Variants in CCDC30 observed in about 807,000 individuals in gnomAD.
The protein encoded by CCDC30 is coiled-coil domain containing 30.
Under a neutral mutation model 100.2 loss-of-function variants are expected in CCDC30, and 70 were observed. That is an observed-to-expected ratio of 0.70 (90% CI 0.58 to 0.85). The LOEUF (loss-of-function observed/expected upper bound fraction) is 0.85, where lower values mean the gene tolerates loss of function less well. Ranked by LOEUF, CCDC30 falls within the 40% of genes least tolerant of loss-of-function variation. The pLI is 0.00. For synonymous variants in CCDC30, 233 were observed against 269.5 expected (o/e 0.86, Z 1.33); for missense variants, 652 against 771.2 (o/e 0.85, Z 1.83).
chr1:42,635,311 G>A (rs997765832), intron 11 of CCDC30, among the ~76,000 whole-genome samples: 9 of 151,968 alleles, frequency 5.9e-5, no homozygotes, highest in Non-Finnish European at 1.2e-4. Flanking sequence ...CTCCCAAAGT[G>A]CTGGGATTAC....
intron 6 of CCDC30, among the ~76,000 whole-genome samples, chr1:42,557,893 C>G (rs1570051467): frequency 1.1e-5 from 1 of 87,434 alleles, no homozygotes; most frequent in South Asian, 6.3e-4. Flanking sequence ...TAAATGAAGA[C>G]TAAGAAAGGG....
At chr1:42,556,890 T>C (rs186338195) in intron 6 of CCDC30, among the ~76,000 whole-genome samples, 16 of 152,360 alleles carry the variant, frequency 1.1e-4, no homozygotes, top group Admixed American at 7.2e-4. Flanking sequence ...TTCTGGTATG[T>C]AGCTTACTAG....
At chr1:42,534,640 A>T (rs1354020663) in intron 6 of CCDC30, among the ~76,000 whole-genome samples, 1 of 152,204 alleles carries the variant, frequency 6.6e-6, no homozygotes, top group Admixed American at 6.5e-5. Flanking sequence ...AGTTTGATTA[A>T]TTCAGAACAA....
intron 11 of CCDC30, among the ~76,000 whole-genome samples, chr1:42,625,298 A>T (rs1646911335): frequency 1.3e-5 from 2 of 150,048 alleles, no homozygotes; most frequent in Admixed American, 1.3e-4. Flanking sequence ...AGTTTTGTTG[A>T]TTTTAACTTT....
chr1:42,553,073 G>A (rs1347748415), intron 6 of CCDC30, among the ~76,000 whole-genome samples: 2 of 152,342 alleles, frequency 1.3e-5, no homozygotes, highest in East Asian at 1.9e-4. Context: ...AAGTGGAGGT[G>A]AAGGCACAGT....
chr1:42,653,836 G>C, exon 17 of CCDC30: 1 of 1,613,826 alleles, frequency 6.2e-7, no homozygotes, highest in South Asian at 1.1e-5. Context: ...GAAAAGGTTT[G>C]GTAGAGTCAT....
chr1:42,556,156 TC>T (rs754216860), intron 6 of CCDC30: 1 of 1,605,458 alleles, frequency 6.2e-7, no homozygotes, highest in Non-Finnish European at 8.5e-7. Context: ...TTGCACCAAG[TC>T]CCAAATTAGG....
At chr1:42,567,347 T>C (rs568064685) in intron 7 of CCDC30, among the ~76,000 whole-genome samples, 5 of 152,242 alleles carry the variant, frequency 3.3e-5, no homozygotes, top group Admixed American at 6.5e-5. Context: ...CCACAAAGTC[T>C]AAAATATTTA....
At chr1:42,488,391 TACTC>T (rs1291915168) in intron 3 of CCDC30, among the ~76,000 whole-genome samples, 1 of 152,162 alleles carries the variant, frequency 6.6e-6, no homozygotes, top group East Asian at 1.9e-4. Flanking sequence ...GATCATCACT[TACTC>T]ACTGAGTTCC....
chr1:42,635,101 G>C (rs1647124531), intron 11 of CCDC30, among the ~76,000 whole-genome samples: 2 of 152,094 alleles, frequency 1.3e-5, no homozygotes, highest in South Asian at 4.1e-4. Context: ...TGTTGCCCAG[G>C]CTGGAGTGCA....
At chr1:42,491,935 T>C in intron 4 of CCDC30, 1 of 773,718 alleles carries the variant, frequency 1.3e-6, no homozygotes, top group Non-Finnish European at 2.0e-6. Context: ...AAGCGTCGTG[T>C]GTTTGAAGTG....
intron 12 of CCDC30, among the ~76,000 whole-genome samples, chr1:42,638,647 G>A (rs1021309242): frequency 6.6e-6 from 1 of 151,958 alleles, no homozygotes; most frequent in Non-Finnish European, 1.5e-5. Flanking sequence ...GCCGAGGTGG[G>A]CAGATCACCT....
intron 15 of CCDC30, among the ~76,000 whole-genome samples, chr1:42,649,142 C>T (rs989229239): frequency 1.1e-4 from 17 of 152,128 alleles, no homozygotes; most frequent in African/African-American, 3.9e-4. Context: ...ACCAATCTTA[C>T]TCAAACTCTT....
chr1:42,505,412 A>C (rs1335026086), intron 6 of CCDC30, among the ~76,000 whole-genome samples: 3 of 152,190 alleles, frequency 2.0e-5, no homozygotes, highest in Non-Finnish European at 4.4e-5. Flanking sequence ...CCTAAAATGT[A>C]GGGAAAAAAA....
At chr1:42,589,223 CA>C (rs57920969) in intron 9 of CCDC30, 97 bp from the exon 14 acceptor site, 257,574 of 792,032 alleles carry the variant, frequency 0.33, 10,215 homozygotes, top group African/African-American at 0.37. Flanking sequence ...TTCATTGAAC[CA>C]AAAAAAAAAA....
chr1:42,528,592 C>T (rs1644760416), intron 6 of CCDC30, among the ~76,000 whole-genome samples: 1 of 152,182 alleles, frequency 6.6e-6, no homozygotes, highest in Non-Finnish European at 1.5e-5. Flanking sequence ...CTGAGAAAGT[C>T]TCTGCCAGCC....
chr1:42,608,716 CA>C (rs3044834), intron 10 of CCDC30, among the ~76,000 whole-genome samples: 1,670 of 55,352 alleles, frequency 0.03, 11 homozygotes, highest in African/African-American at 0.1. Context: ...CTCTCTGTCT[CA>C]AAAAAAAAAA....
At chr1:42,492,119 C>T (rs992988181) in intron 4 of CCDC30, 17 of 278,994 alleles carry the variant, frequency 6.1e-5, no homozygotes, top group African/African-American at 9.1e-5. Flanking sequence ...TCAAGACTAC[C>T]GATGGTTATT....
intron 4 of CCDC30, chr1:42,491,895 C>T (rs1644149348): frequency 1.1e-5 from 5 of 465,100 alleles, no homozygotes; most frequent in African/African-American, 4.0e-5. Flanking sequence ...CACCAGGACT[C>T]GAGGAACCAA....
Sources: allele counts gnomAD v4.1 joint callset (sites outside exome capture counted in the v4.1 genomes callset), GRCh38; gene constraint gnomAD v4.1.1; transcripts MANE v1.5; gene names NCBI Gene and HGNC (gene_info 2026-07-23, HGNC 2026-07-21).